The following PTPRT variants were observed in gnomAD, a reference collection of about 807,000 sequenced individuals.
The protein encoded by PTPRT is protein tyrosine phosphatase receptor type T, also known as receptor-type tyrosine-protein phosphatase T.
In PTPRT, 56 loss-of-function variants were observed where a neutral mutation model predicts 176.8. The ratio of observed to expected loss-of-function variants is 0.32; its 90% CI spans 0.26 to 0.40. The LOEUF is 0.40. Ranked by LOEUF, PTPRT falls within the 10% of genes least tolerant of loss-of-function variation. The probability of loss-of-function intolerance (pLI) is 1.00; values close to 1 mark genes in which losing one functional copy is unlikely to be tolerated. For synonymous variants in PTPRT, 783 were observed against 739.0 expected, an observed-to-expected ratio of 1.06 and a Z score of -0.96; for missense variants, 1,540 against 1,908.2, an observed-to-expected ratio of 0.81 and a Z score of 3.60.
At chr20:42,997,261 C>T (rs188543922) in intron 1 of PTPRT, among the ~76,000 whole-genome samples, 57 of 152,254 alleles carry the variant, frequency 3.7e-4, no homozygotes, top group African/African-American at 1.4e-3. Flanking sequence ...CTGGTTGTGA[C>T]TGTTAACCTT....
At chr20:42,206,975 T>TCCCTGAC (rs2055486766) in intron 15 of PTPRT, among the ~76,000 whole-genome samples, 1 of 152,114 alleles carries the variant, frequency 6.6e-6, no homozygotes, top group South Asian at 2.1e-4. Flanking sequence ...CTCAAGTGGG[T>TCCCTGAC]CCCTGACCCC....
At chr20:42,301,021 A>C (rs916067549) in intron 12 of PTPRT, among the ~76,000 whole-genome samples, 2 of 152,160 alleles carry the variant, frequency 1.3e-5, no homozygotes, top group African/African-American at 4.8e-5. Flanking sequence ...CATCTTTGTA[A>C]TAGTTGATTT....
chr20:42,853,218 C>T (rs943109907), intron 2 of PTPRT, among the ~76,000 whole-genome samples: 10 of 152,094 alleles, frequency 6.6e-5, no homozygotes, highest in African/African-American at 2.2e-4. Context: ...GCAGAAGCCT[C>T]ATATGAAGAA....
At chr20:42,604,119 G>C (rs970755853) in intron 7 of PTPRT, among the ~76,000 whole-genome samples, 4 of 152,178 alleles carry the variant, frequency 2.6e-5, no homozygotes, top group African/African-American at 7.2e-5. Context: ...CATGTTGCAG[G>C]TGGCATCAGG....
At chr20:42,212,153 G>C (rs1414511948) in intron 15 of PTPRT, among the ~76,000 whole-genome samples, 2 of 103,080 alleles carry the variant, frequency 1.9e-5, no homozygotes, top group Admixed American at 1.1e-4. Context: ...GTTGTGGGGT[G>C]GGGGGAGGGG....
intron 1 of PTPRT, among the ~76,000 whole-genome samples, chr20:43,090,737 A>T (rs1014968281): frequency 1.3e-5 from 2 of 152,200 alleles, no homozygotes; most frequent in Non-Finnish European, 2.9e-5. Flanking sequence ...TATTTAGAAA[A>T]CATAGACAAA....
At chr20:42,762,185 A>T (rs1268773128) in intron 5 of PTPRT, among the ~76,000 whole-genome samples, 1 of 152,164 alleles carries the variant, frequency 6.6e-6, no homozygotes, top group Non-Finnish European at 1.5e-5. Flanking sequence ...TATATTATTA[A>T]GTTATGGCAT....
intron 7 of PTPRT, among the ~76,000 whole-genome samples, chr20:42,625,619 C>A (rs1370720522): frequency 1.3e-5 from 2 of 151,784 alleles, no homozygotes; most frequent in African/African-American, 4.8e-5. Flanking sequence ...AACACCAGGG[C>A]ACAGAGAAGT....
At chr20:42,129,254 T>C (rs1003235378) in intron 18 of PTPRT, among the ~76,000 whole-genome samples, 1 of 152,248 alleles carries the variant, frequency 6.6e-6, no homozygotes, top group African/African-American at 2.4e-5. Flanking sequence ...CTTCCACACA[T>C]GCACAAATTG....
rs555656140 is a variant in PTPRT at position 43,106,635 on chromosome 20, C to A, written c.88+83011G>T. On this transcript the variant is annotated intron_variant, in intron 1 of 30. Coordinates refer to ENST00000373187, the MANE Select transcript of PTPRT (RefSeq NM_007050.6). Reference sequence around the variant, plus strand: ...TCGCGCCATTGCACTCCAGCCCAGGCTGACAACAGCGAGACTCCATCTCAA... The same window carrying A: ...TCGCGCCATTGCACTCCAGCCCAGGATGACAACAGCGAGACTCCATCTCAA... 5.6e-4 allele frequency among the ~76,000 whole-genome samples: 67 copies of A among 120,648 alleles called. 1 individual carries two copies. Among genetic ancestry groups the A allele is most frequent in the Non-Finnish European group, 9.4e-4 (59 of 62,900 alleles). 79.1% of individuals were successfully genotyped at this position (120,648 alleles called of 152,430 possible).
At chr20:42,426,059 T>A (rs1279310171) in intron 9 of PTPRT, among the ~76,000 whole-genome samples, 1 of 152,130 alleles carries the variant, frequency 6.6e-6, no homozygotes, top group Non-Finnish European at 1.5e-5. Flanking sequence ...AAGTTGTCTG[T>A]GTGTTTCATA....
At chr20:42,161,624 G>T (rs1989605323) in intron 16 of PTPRT, 82 bp from the exon 17 acceptor site, 11 of 1,420,538 alleles carry the variant, frequency 7.7e-6, no homozygotes, top group Non-Finnish European at 9.5e-6. Flanking sequence ...AGCTTGGCCT[G>T]AGGAGGGCAG....
intron 9 of PTPRT, among the ~76,000 whole-genome samples, chr20:42,413,325 G>A (rs1482729502): frequency 6.6e-6 from 1 of 152,100 alleles, no homozygotes; most frequent in Non-Finnish European, 1.5e-5. Context: ...AAAGCACCAG[G>A]ACATTCAGTT....
chr20:42,977,985 C>T (rs1013284927), intron 1 of PTPRT, among the ~76,000 whole-genome samples: 1 of 151,898 alleles, frequency 6.6e-6, no homozygotes, highest in Non-Finnish European at 1.5e-5. Flanking sequence ...TAGTACCCAA[C>T]CTTATACATA....
At chr20:43,020,092 ATGTGTG>A (rs143435604) in intron 1 of PTPRT, among the ~76,000 whole-genome samples, 14 of 141,480 alleles carry the variant, frequency 9.9e-5, no homozygotes, top group Middle Eastern at 3.6e-3. Context: ...GTGAGTGTGT[ATGTGTG>A]TGTGTGTGTG....
chr20:43,183,232 C>T (rs2015310638), intron 1 of PTPRT, among the ~76,000 whole-genome samples: 1 of 152,144 alleles, frequency 6.6e-6, no homozygotes, highest in Non-Finnish European at 1.5e-5. Flanking sequence ...AGAGATAATG[C>T]TTTGCAAATT....
At chr20:43,037,592 T>C (rs1986436041) in intron 1 of PTPRT, among the ~76,000 whole-genome samples, 1 of 152,146 alleles carries the variant, frequency 6.6e-6, no homozygotes, top group Admixed American at 6.5e-5. Flanking sequence ...AAGCTAAAAT[T>C]GAATACAAGT....
intron 17 of PTPRT, among the ~76,000 whole-genome samples, chr20:42,151,035 C>T (rs895672263): frequency 3.9e-5 from 6 of 152,176 alleles, no homozygotes; most frequent in African/African-American, 1.4e-4. Flanking sequence ...TTCCATCTTC[C>T]ATATCCTCTT....
chr20:42,152,080 C>G (rs1280832958), intron 17 of PTPRT, among the ~76,000 whole-genome samples: 1 of 152,180 alleles, frequency 6.6e-6, no homozygotes, highest in Non-Finnish European at 1.5e-5. Flanking sequence ...AGCATTGCAT[C>G]TATGGGAGCA....
Sources: gnomAD v4.1 joint callset for allele counts (sites outside exome capture counted in the v4.1 genomes callset) on GRCh38, gnomAD v4.1.1 for gene constraint, MANE v1.5 for transcripts, NCBI Gene and HGNC (gene_info 2026-07-23, HGNC 2026-07-21) for gene names.